MAPK9: variants seen among roughly 807,000 people sequenced by gnomAD.
The protein encoded by MAPK9 is Jun kinase.
In MAPK9, 30 loss-of-function variants were observed where a neutral mutation model predicts 57.1. That is an observed-to-expected ratio of 0.53 (90% CI 0.39 to 0.71). MAPK9 has a LOEUF of 0.71. MAPK9 is among the 30% of genes least tolerant of loss of function. The pLI is 0.00. For missense variants in MAPK9, 362 were observed against 521.0 expected (o/e 0.69, Z 2.97); for synonymous variants, 155 against 177.0 (o/e 0.88, Z 0.99).
At chr5:180,259,991 T>C (rs1019209908) in intron 5 of MAPK9, among the ~76,000 whole-genome samples, 2 of 152,262 alleles carry the variant, frequency 1.3e-5, no homozygotes, top group African/African-American at 2.4e-5. Flanking sequence ...CCGTATAATT[T>C]ACATAACATG....
chr5:180,276,885 CTT>C (rs569072826), intron 2 of MAPK9, among the ~76,000 whole-genome samples: 242 of 152,322 alleles, frequency 1.6e-3, no homozygotes, highest in East Asian at 1.3e-3. Flanking sequence ...AATTTAAAAA[CTT>C]ATTTCCTAAT....
chr5:180,261,916 C>T, intron 4 of MAPK9, 94 bp from the exon 5 acceptor site: 3 of 1,043,006 alleles, frequency 2.9e-6, no homozygotes, highest in Non-Finnish European at 4.1e-6. Context: ...CCAATCACTG[C>T]ACTGGCTAAA....
At chr5:180,258,044 G>GT (rs1052162764) in intron 5 of MAPK9, 1 of 152,380 alleles carries the variant, frequency 6.6e-6, no homozygotes, top group African/African-American at 2.4e-5. Context: ...ACACACACTG[G>GT]TAACAGGCCT....
intron 5 of MAPK9, among the ~76,000 whole-genome samples, chr5:180,255,019 G>A (rs187957475): frequency 2.0e-5 from 3 of 152,228 alleles, no homozygotes; most frequent in Admixed American, 2.0e-4. Flanking sequence ...GGGCGACAGA[G>A]CGAGACTCCA....
intron 2 of MAPK9, among the ~76,000 whole-genome samples, chr5:180,270,583 G>A (rs1227679254): frequency 6.6e-6 from 1 of 152,148 alleles, no homozygotes; most frequent in Non-Finnish European, 1.5e-5. Flanking sequence ...AGGTGTGGTG[G>A]CTTATGCCTG....
chr5:180,245,767 G>T (rs1758038079), intron 7 of MAPK9, among the ~76,000 whole-genome samples: 1 of 152,150 alleles, frequency 6.6e-6, no homozygotes, highest in African/African-American at 2.4e-5. Context: ...GAGGTGGCCG[G>T]GCTAAAGCTT....
intron 8 of MAPK9, among the ~76,000 whole-genome samples, chr5:180,241,913 C>T (rs1428936782): frequency 2.0e-5 from 3 of 152,228 alleles, no homozygotes; most frequent in Non-Finnish European, 4.4e-5. Context: ...ACACAACAAT[C>T]TCACATTCCC....
At chr5:180,256,676 C>T (rs1759324881) in intron 5 of MAPK9, among the ~76,000 whole-genome samples, 1 of 152,116 alleles carries the variant, frequency 6.6e-6, no homozygotes, top group African/African-American at 2.4e-5. Flanking sequence ...ATACCTCGTG[C>T]TGGGCAAACC....
intron 9 of MAPK9, 31 bp downstream of exon 9, chr5:180,241,000 C>A: frequency 6.3e-7 from 1 of 1,592,964 alleles, no homozygotes; most frequent in African/African-American, 1.4e-5. Flanking sequence ...CCTGGCCTCT[C>A]TATATAAATC....
intron 5 of MAPK9, among the ~76,000 whole-genome samples, chr5:180,253,966 T>TTC (rs1324534664): frequency 6.8e-6 from 1 of 146,842 alleles, no homozygotes; most frequent in Admixed American, 6.8e-5. Context: ...TCAATCTCTT[T>TTC]TTTTTTTTTT....
chr5:180,250,355 CT>C (rs1758547413), intron 5 of MAPK9, among the ~76,000 whole-genome samples: 1 of 152,148 alleles, frequency 6.6e-6, no homozygotes, highest in South Asian at 2.1e-4. Flanking sequence ...TGACTTTTGC[CT>C]GGGGACTTCG....
At chr5:180,245,165 G>C (rs1036511470) in intron 7 of MAPK9, among the ~76,000 whole-genome samples, 1 of 152,180 alleles carries the variant, frequency 6.6e-6, no homozygotes, top group Non-Finnish European at 1.5e-5. Context: ...CACCCACTTT[G>C]ATCTCTCTAT....
rs1758277639 is a variant in MAPK9 at position 180,247,860 on chromosome 5, C to A, written c.617-350G>T. On this transcript the variant is annotated intron_variant, in intron 6 of 11. Transcript: ENST00000452135. This position sits in a 1 kb window ranked among gnomAD's most constrained non-coding sequence, Gnocchi z 4.5. ...GGGTCCCCTGTGAAGGATACAGTCT[C>A]TTCCCGGGAACAGGACTTTATGGAG... 6.2e-7 allele frequency: 1 copy of A among 1,614,180 alleles called. No individual in the cohort carries two copies. Among genetic ancestry groups the A allele is most frequent in the Admixed American group, 1.7e-5 (1 of 60,032 alleles).
intron 2 of MAPK9, among the ~76,000 whole-genome samples, chr5:180,279,225 G>T (rs1234849255): frequency 6.6e-6 from 1 of 152,102 alleles, no homozygotes; most frequent in African/African-American, 2.4e-5. Flanking sequence ...CAAAGTGCTG[G>T]GATTACAGGC....
chr5:180,264,475 C>G (rs1290568102), intron 4 of MAPK9, among the ~76,000 whole-genome samples: 1 of 152,200 alleles, frequency 6.6e-6, no homozygotes, highest in Admixed American at 6.5e-5. Flanking sequence ...ACCCTAAAAT[C>G]CTGGCTATCA....
intron 2 of MAPK9, among the ~76,000 whole-genome samples, chr5:180,279,337 T>C (rs1762110281): frequency 6.6e-6 from 1 of 152,174 alleles, no homozygotes; most frequent in Non-Finnish European, 1.5e-5. Flanking sequence ...ACCATTACTT[T>C]AGATGCAAGC....
rs532041638 is a variant in MAPK9 at position 180,268,704 on chromosome 5, G to A, written c.252+576C>T. ...TAGCCGGGCGTGGTGGCGGGCGCCT[G>A]TAGTCCCAGCTACTCAGGAGGCTGA... is the stretch of plus-strand genomic sequence containing the variant. On this transcript the variant is annotated intron_variant, in intron 3 of 11. Coordinates refer to ENST00000452135, the MANE Select transcript of MAPK9 (RefSeq NM_002752.5). Among the ~76,000 whole-genome samples, 17 of 152,004 alleles carry A rather than the reference G, an allele frequency of 1.1e-4. 1 individual carries two copies. The highest frequency in any genetic ancestry group is 4.1e-4 in the African/African-American group (17 of 41,370).
chr5:180,235,375 G>C lies in MAPK9; in HGVS notation c.*1009C>G, dbSNP rs1455916592. On this transcript the variant is annotated 3_prime_UTR_variant, in exon 12 of 12. Coordinates refer to ENST00000452135, the MANE Select transcript of MAPK9 (RefSeq NM_002752.5). ...TATTGGCCGAGGGAAAGTGAATGAG[G>C]GAAGGTAAATAAAGGACCCAGGCCA... is the stretch of plus-strand genomic sequence containing the variant. 1 of 152,162 alleles carries C rather than the reference G, an allele frequency of 6.6e-6. No homozygotes were observed. Among genetic ancestry groups the C allele is most frequent in the Non-Finnish European group, 1.5e-5 (1 of 68,048 alleles). The allele number at this position is 152,162 out of a possible 1,614,324, so 9.4% of individuals were successfully genotyped here.
intron 2 of MAPK9, among the ~76,000 whole-genome samples, chr5:180,271,307 G>A (rs1761284245): frequency 6.6e-6 from 1 of 152,182 alleles, no homozygotes; most frequent in Non-Finnish European, 1.5e-5. Context: ...CCTGGTTGTG[G>A]TTATTGCGGT....
Sources: gnomAD v4.1 joint callset for allele counts (sites outside exome capture counted in the v4.1 genomes callset) on GRCh38, gnomAD v4.1.1 for gene constraint, Gnocchi (gnomAD v3.1) non-coding constraint, MANE v1.5 for transcripts, NCBI Gene and HGNC (gene_info 2026-07-23, HGNC 2026-07-21) for gene names.